ARHGAP35: variants seen among roughly 807,000 people sequenced by gnomAD.
The protein encoded by ARHGAP35 is Rho GTPase activating protein 35, also known as rho GTPase-activating protein 35.
A neutral mutation model predicts 111.1 loss-of-function variants in ARHGAP35; 15 were observed. The ratio of observed to expected loss-of-function variants is 0.13; its 90% CI spans 0.09 to 0.21. The LOEUF (loss-of-function observed/expected upper bound fraction) is 0.21. ARHGAP35 is among the 10% of genes least tolerant of loss of function. The pLI is 1.00. For synonymous variants in ARHGAP35, 643 were observed against 710.3 expected, an observed-to-expected ratio of 0.91 and a Z score of 1.51; for missense variants, 1,262 against 1,873.0, an observed-to-expected ratio of 0.67 and a Z score of 6.02.
In ARHGAP35 at chr19:47,000,646, G is replaced by A; in HGVS notation, c.4458G>A (p.Gln1486=). The change falls in exon 7 of 7, where the codon CAG becomes CAA. Residue 1486 remains glutamine, a synonymous_variant. Transcript: ENST00000672722. The surrounding 1 kb of genome is among the most constrained non-coding windows in gnomAD (Gnocchi z 6.9). ...CACCCACCCCCCAGTCCCCAATGCA[G>A]CCACTGCTTCCCTCCCAGCTTCAAG... The part of the protein sequence containing the change: ...SPPPTPQSPM[Q]PLLPSQLQAE... The A allele has an allele frequency of 6.2e-7, 1 of 1,602,834 alleles. No individual in the cohort carries two copies. Among genetic ancestry groups the A allele is most frequent in the South Asian group, 1.1e-5 (1 of 89,418 alleles).
At chr19:46,995,449 C>A (rs1182538019) in intron 5 of ARHGAP35, among the ~76,000 whole-genome samples, 1 of 152,216 alleles carries the variant, frequency 6.6e-6, no homozygotes. Flanking sequence ...ACCCTGGAGG[C>A]CCCCCATCCC....
rs758916338 is a variant in ARHGAP35 at position 46,999,344 on chromosome 19, G to A, written c.4077G>A (p.Glu1359=). The A allele has an allele frequency of 5.0e-6, 8 of 1,595,736 alleles. No homozygotes were observed. The highest frequency in any genetic ancestry group is 6.8e-6 in the Non-Finnish European group (8 of 1,171,210). ...DREQKLHALK[E]VLKKFPKENH... The stretch of plus-strand genomic sequence containing the variant: ...AGCAGAAGTTGCATGCCCTTAAGGA[G>A]GTATTAAAGAAATTTCCAAAGGAAA... The change falls in exon 6 of 7, where the codon GAG becomes GAA. Residue 1359 remains glutamate (E), a synonymous_variant. Coordinates refer to ENST00000672722, the MANE Select transcript of ARHGAP35 (RefSeq NM_004491.5). The surrounding 1 kb of genome is among the most constrained non-coding windows in gnomAD (Gnocchi z 5.4).
At chr19:46,947,107 A>G (rs1427113576) in intron 3 of ARHGAP35, 2 of 152,224 alleles carry the variant, frequency 1.3e-5, no homozygotes, top group Non-Finnish European at 2.9e-5. Flanking sequence ...ACAAACTTCC[A>G]GATAACTCTT....
At chr19:46,965,898 C>T (rs1313493491) in intron 3 of ARHGAP35, among the ~76,000 whole-genome samples, 1 of 152,172 alleles carries the variant, frequency 6.6e-6, no homozygotes, top group Non-Finnish European at 1.5e-5. Flanking sequence ...AATTGAACAC[C>T]TGTTATGTGT....
intron 3 of ARHGAP35, among the ~76,000 whole-genome samples, chr19:46,962,619 G>A (rs903770402): frequency 6.6e-6 from 1 of 152,052 alleles, no homozygotes; most frequent in African/African-American, 2.4e-5. Flanking sequence ...TTTTGTTTTT[G>A]TTTTTGAAAT....
At chr19:46,873,625 A>G in intron 1 of ARHGAP35, among the ~76,000 whole-genome samples, 1 of 132,608 alleles carries the variant, frequency 7.5e-6, no homozygotes, top group African/African-American at 2.8e-5. Context: ...TGACAGAGCG[A>G]GACTCTTTCT....
rs1353989583 is a variant in ARHGAP35 at position 46,920,974 on chromosome 19, C to T, written c.2299C>T (p.Leu767=). 1 of 1,613,990 alleles carries T rather than the reference C, an allele frequency of 6.2e-7. No individual in the cohort carries two copies. Among genetic ancestry groups the T allele is most frequent in the Non-Finnish European group, 8.5e-7 (1 of 1,179,890 alleles). Residue 767 remains leucine, a synonymous_variant, in exon 2 of 7, where the codon CTG becomes TTG. Transcript: ENST00000672722. The surrounding 1 kb of genome is among the most constrained non-coding windows in gnomAD (Gnocchi z 7.0). ...CCTGGACTCTAAGCGTAACTTAAAC[C>T]TGGTCAGTTCTACTGCTAGCATCAA... ...GLLDSKRNLN[L]VSSTASIKDL...
chr19:46,983,265 A>G (rs1462507946), intron 3 of ARHGAP35, among the ~76,000 whole-genome samples: 2 of 152,060 alleles, frequency 1.3e-5, no homozygotes, highest in Non-Finnish European at 2.9e-5. Context: ...CGACTCACTC[A>G]TTCTCTACAT....
rs116336199 is a variant in ARHGAP35 at position 46,915,455 on chromosome 19, A to G, written c.-188-3033A>G. Among the ~76,000 whole-genome samples, 581 of 152,282 alleles carry G rather than the reference A, an allele frequency of 3.8e-3. 6 individuals carry two copies. The highest frequency in any genetic ancestry group is 0.013 in the African/African-American group (545 of 41,556). On this transcript the variant is annotated intron_variant, in intron 1 of 6. Coordinates refer to ENST00000672722, the MANE Select transcript of ARHGAP35 (RefSeq NM_004491.5). ...CTTTCTGGGATATCAGAAGGAAGCT[A>G]TGGATGTTTGGAAAAGGTCTGTGAC... is the stretch of plus-strand genomic sequence containing the variant.
chr19:46,970,875 G>A (rs187604635), intron 3 of ARHGAP35, among the ~76,000 whole-genome samples: 54 of 152,268 alleles, frequency 3.5e-4, no homozygotes, highest in African/African-American at 9.4e-4. Flanking sequence ...ACAGCTCTCC[G>A]TGACAGGAGA....
At chr19:46,879,966 A>G (rs1029003297) in intron 1 of ARHGAP35, among the ~76,000 whole-genome samples, 37 of 150,878 alleles carry the variant, frequency 2.5e-4, no homozygotes, top group Non-Finnish European at 4.0e-4. Flanking sequence ...TATGCCTGTA[A>G]TCCCAGAAAC....
intron 1 of ARHGAP35, among the ~76,000 whole-genome samples, chr19:46,886,446 T>A (rs2055993798): frequency 6.6e-6 from 1 of 152,156 alleles, no homozygotes; most frequent in Admixed American, 6.6e-5. Flanking sequence ...GGCTGTGCTC[T>A]TTATGTATTT....
intron 3 of ARHGAP35, among the ~76,000 whole-genome samples, chr19:46,950,967 G>C (rs1568477210): frequency 1.3e-5 from 2 of 152,240 alleles, no homozygotes. Context: ...AGAGGAAAGA[G>C]AGCAAGTCAA....
chr19:46,904,650 C>T (rs987564301), intron 1 of ARHGAP35, among the ~76,000 whole-genome samples: 1 of 152,172 alleles, frequency 6.6e-6, no homozygotes, highest in African/African-American at 2.4e-5. Context: ...TTTCCTGATG[C>T]TTATTATGAC....
chr19:46,963,934 C>G (rs2056498922), intron 3 of ARHGAP35, among the ~76,000 whole-genome samples: 3 of 151,806 alleles, frequency 2.0e-5, no homozygotes, highest in South Asian at 4.2e-4. Flanking sequence ...GTGGCGCAAT[C>G]TCGGCTCACT....
At chr19:46,904,065 C>T (rs529696692) in intron 1 of ARHGAP35, among the ~76,000 whole-genome samples, 35 of 152,228 alleles carry the variant, frequency 2.3e-4, no homozygotes, top group African/African-American at 8.4e-4. Context: ...GTCCCCTTCC[C>T]AGTCACTTTG....
intron 1 of ARHGAP35, among the ~76,000 whole-genome samples, chr19:46,887,208 G>A (rs1023099788): frequency 8.6e-5 from 13 of 152,010 alleles, no homozygotes; most frequent in Non-Finnish European, 1.5e-5. Flanking sequence ...AAGATGGGGG[G>A]TGGGGGAGCA....
rs1300354038 is a variant in ARHGAP35, at chr19:47,000,540, C to T, written c.4352C>T (p.Ser1451Phe). Residue 1451 changes from serine to phenylalanine, a missense_variant, in exon 7 of 7, where the codon TCC (serine) becomes TTC (phenylalanine). By Grantham distance (155) the Ser-to-Phe change is radical (BLOSUM62 -2). This residue lies in a region of ARHGAP35 where 75 missense variants were observed against 87.0 expected (regional missense o/e 0.86). Transcript: ENST00000672722. This position sits in a 1 kb window ranked among gnomAD's most constrained non-coding sequence, Gnocchi z 6.9. ...ITEPPGARPS[S>F]PSAVASTVPF... ...GAGCCCCCCGGCGCCAGGCCCAGCT[C>T]CCCCTCTGCCGTGGCTTCCACCGTC... 1.2e-6 allele frequency: 2 copies of T among 1,613,354 alleles called. No individual in the cohort carries two copies. Among genetic ancestry groups the T allele is most frequent in the East Asian group, 2.2e-5 (1 of 44,864 alleles).
intron 3 of ARHGAP35, among the ~76,000 whole-genome samples, chr19:46,944,252 T>C (rs1341256164): frequency 1.4e-5 from 2 of 147,870 alleles, no homozygotes; most frequent in Admixed American, 1.4e-4. Context: ...TAAGCTGAGA[T>C]CATGCCACTG....
Sources: gnomAD v4.1 joint callset for allele counts (sites outside exome capture counted in the v4.1 genomes callset) on GRCh38, gnomAD v4.1.1 for gene constraint, gnomAD v4.1.1 regional missense constraint, Gnocchi (gnomAD v3.1) non-coding constraint, MANE v1.5 for transcripts, NCBI Gene and HGNC (gene_info 2026-07-23, HGNC 2026-07-21) for gene names.